The following NCOR1 variants were observed in gnomAD, a reference collection of about 807,000 sequenced individuals.
The protein encoded by NCOR1 is protein phosphatase 1, regulatory subunit 109.
A neutral mutation model predicts 288.1 loss-of-function variants in NCOR1; 63 were observed. The observed-to-expected ratio is 0.22, with a 90% CI of 0.18 to 0.27. The LOEUF is 0.27. Ranked by LOEUF, NCOR1 falls within the 10% of genes least tolerant of loss-of-function variation. The pLI, the probability that NCOR1 is intolerant of heterozygous loss-of-function variation, is 1.00. For missense variants in NCOR1, 2,397 were observed against 3,019.2 expected, an observed-to-expected ratio of 0.79 and a Z score of 4.83; for synonymous variants, 1,007 against 1,065.9, an observed-to-expected ratio of 0.94 and a Z score of 1.08.
At chr17:16,040,410 G>A in intron 43 of NCOR1, 31 bp downstream of exon 43, 2 of 1,602,782 alleles carry the variant, frequency 1.2e-6, no homozygotes, top group Middle Eastern at 1.7e-4. Flanking sequence ...TGCCAATTTT[G>A]TATTGGTAAA....
intron 41 of NCOR1, among the ~76,000 whole-genome samples, chr17:16,047,946 A>G (rs933058595): frequency 6.6e-6 from 1 of 152,262 alleles, no homozygotes; most frequent in Non-Finnish European, 1.5e-5. Flanking sequence ...ATTAAATTGA[A>G]CATCACTCCC....
At chr17:16,133,635 T>G (rs111866140) in intron 14 of NCOR1, among the ~76,000 whole-genome samples, 4 of 152,226 alleles carry the variant, frequency 2.6e-5, no homozygotes, top group African/African-American at 9.6e-5. Context: ...ATTCTATATC[T>G]TTAACCCAGA....
chr17:16,187,681 G>C (rs2086960177), intron 2 of NCOR1, among the ~76,000 whole-genome samples: 1 of 152,036 alleles, frequency 6.6e-6, no homozygotes, highest in Admixed American at 6.6e-5. Flanking sequence ...AAGGTGGGCA[G>C]ACTGCTTGAC....
chr17:16,096,026 C>T (rs539449207), intron 21 of NCOR1, among the ~76,000 whole-genome samples: 212 of 152,170 alleles, frequency 1.4e-3, no homozygotes, highest in African/African-American at 4.8e-3. Context: ...TATGACCTTA[C>T]CCCCAACCCT....
chr17:16,120,693 T>C (rs752966115), intron 16 of NCOR1, among the ~76,000 whole-genome samples: 10 of 152,032 alleles, frequency 6.6e-5, no homozygotes, highest in Non-Finnish European at 1.3e-4. Flanking sequence ...TATACATTGG[T>C]TTAAAAGCAG....
chr17:16,173,701 G>A (rs538848621), intron 3 of NCOR1, among the ~76,000 whole-genome samples: 7 of 152,252 alleles, frequency 4.6e-5, no homozygotes, highest in South Asian at 4.2e-4. Context: ...AGGCCGGGGC[G>A]TGTGGATCAT....
At chr17:16,060,676 T>C (rs75727411) in intron 37 of NCOR1, among the ~76,000 whole-genome samples, 4 of 152,202 alleles carry the variant, frequency 2.6e-5, no homozygotes, top group African/African-American at 9.6e-5. Flanking sequence ...ATTTTTTTTT[T>C]CATGATGTCT....
At chr17:16,159,841 CTTT>C (rs776625584) in intron 5 of NCOR1, among the ~76,000 whole-genome samples, 4 of 141,762 alleles carry the variant, frequency 2.8e-5, no homozygotes, top group Non-Finnish European at 3.1e-5. Flanking sequence ...TTAGGTCAAT[CTTT>C]TTTTTTTTTT....
rs200358935 is a variant in NCOR1, at chr17:16,101,241, G to A, written c.2690+9C>T. Reference sequence around the variant, plus strand: ...TAAGCACGGGGAGGACTTATGGAACGAGCCTCACCTCTGCCTCTCTGGCTC... The same window carrying A: ...TAAGCACGGGGAGGACTTATGGAACAAGCCTCACCTCTGCCTCTCTGGCTC... On this transcript the variant is annotated intron_variant, in intron 20 of 45. Coordinates refer to ENST00000268712, the MANE Select transcript of NCOR1 (RefSeq NM_006311.4). 7.5e-5 allele frequency: 117 copies of A among 1,567,330 alleles called. No individual in the cohort carries two copies. In the African/African-American group the frequency reaches 1.3e-3, roughly 17 times the overall value.
chr17:16,120,398 C>T (rs888403956), intron 16 of NCOR1, among the ~76,000 whole-genome samples: 1 of 152,114 alleles, frequency 6.6e-6, no homozygotes, highest in African/African-American at 2.4e-5. Flanking sequence ...CCTGCCCCAA[C>T]CTATCTTTCC....
At chr17:16,192,378 G>A (rs186779295) in intron 2 of NCOR1, among the ~76,000 whole-genome samples, 1,657 of 152,158 alleles carry the variant, frequency 0.011, 36 homozygotes, top group African/African-American at 0.037. Flanking sequence ...AGCTGGGGCC[G>A]GGCACAGTGG....
chr17:16,168,962 T>C (rs1463184023), intron 4 of NCOR1, among the ~76,000 whole-genome samples: 1 of 129,702 alleles, frequency 7.7e-6, no homozygotes, highest in African/African-American at 3.1e-5. Context: ...AGACTCCGTC[T>C]CAAAAAAAAA....
At chr17:16,042,664 G>A (rs2057948085) in intron 42 of NCOR1, among the ~76,000 whole-genome samples, 1 of 152,202 alleles carries the variant, frequency 6.6e-6, no homozygotes, top group Admixed American at 6.5e-5. Flanking sequence ...CCACTGTGGA[G>A]GCCAACTTGA....
intron 4 of NCOR1, among the ~76,000 whole-genome samples, chr17:16,168,907 T>G (rs2082570507): frequency 6.7e-6 from 1 of 148,906 alleles, no homozygotes; most frequent in Non-Finnish European, 1.5e-5. Context: ...TAGGTTGCAG[T>G]GAGCCAAGAT....
At chr17:16,213,803 CAT>C (rs1295021119) in intron 1 of NCOR1, among the ~76,000 whole-genome samples, 2 of 152,162 alleles carry the variant, frequency 1.3e-5, no homozygotes, top group Non-Finnish European at 2.9e-5. Context: ...TCCAAAATCA[CAT>C]AGTTAGAGCA....
At chr17:16,204,041 C>T (rs1489556465) in intron 1 of NCOR1, among the ~76,000 whole-genome samples, 1 of 151,978 alleles carries the variant, frequency 6.6e-6, no homozygotes, top group Non-Finnish European at 1.5e-5. Flanking sequence ...AGGTAACTAA[C>T]CCCATCTGTA....
chr17:16,075,441 T>C (rs1279647762), intron 27 of NCOR1, 93 bp downstream of exon 27: 1 of 1,371,352 alleles, frequency 7.3e-7, no homozygotes, highest in Non-Finnish European at 1.0e-6. Context: ...AAAGATAAAC[T>C]GACTCCCAGA....
chr17:16,179,119 T>C (rs999510870), intron 3 of NCOR1, among the ~76,000 whole-genome samples: 2 of 152,116 alleles, frequency 1.3e-5, no homozygotes, highest in Admixed American at 6.6e-5. Flanking sequence ...AATAATATTA[T>C]ATTTCAAATC....
chr17:16,158,729 G>A, intron 6 of NCOR1, 31 bp downstream of exon 6: 1 of 1,426,562 alleles, frequency 7.0e-7, no homozygotes, highest in South Asian at 1.2e-5. Context: ...GGGGTTAAAG[G>A]CCTGTGCTGC....
Sources: gnomAD v4.1 joint callset for allele counts (sites outside exome capture counted in the v4.1 genomes callset) on GRCh38, gnomAD v4.1.1 for gene constraint, MANE v1.5 for transcripts, NCBI Gene and HGNC (gene_info 2026-07-23, HGNC 2026-07-21) for gene names.